WDR64: variants seen among roughly 807,000 people sequenced by gnomAD.
WDR64 encodes WD repeat domain 64.
WDR64 carries 112 observed loss-of-function variants against 139.3 expected under a neutral mutation model. That is an observed-to-expected ratio of 0.80 (90% CI 0.69 to 0.94). The LOEUF is 0.94. WDR64 is among the 40% of genes least tolerant of loss of function. The pLI is 0.00. For synonymous variants in WDR64, 444 were observed against 437.7 expected, an observed-to-expected ratio of 1.01 and a Z score of -0.18; for missense variants, 1,206 against 1,293.1, an observed-to-expected ratio of 0.93 and a Z score of 1.03.
intron 22 of WDR64, among the ~76,000 whole-genome samples, chr1:241,783,016 C>T (rs1658905377): frequency 6.6e-6 from 1 of 152,174 alleles, no homozygotes; most frequent in African/African-American, 2.4e-5. Flanking sequence ...TTCTCAGTTA[C>T]ATGATAAATT....
At chr1:241,662,844 C>A (rs981907492) in intron 2 of WDR64, among the ~76,000 whole-genome samples, 10 of 152,136 alleles carry the variant, frequency 6.6e-5, no homozygotes, top group Middle Eastern at 3.2e-3. Context: ...CACCACTAAT[C>A]TTCGACACTT....
chr1:241,655,343 C>G (rs994529413), intron 1 of WDR64, among the ~76,000 whole-genome samples: 1 of 152,118 alleles, frequency 6.6e-6, no homozygotes, highest in Non-Finnish European at 1.5e-5. Context: ...GAGCCAAGAT[C>G]GCACCACTGC....
At chr1:241,706,960 T>C (rs1454862608) in intron 8 of WDR64, among the ~76,000 whole-genome samples, 1 of 152,184 alleles carries the variant, frequency 6.6e-6, no homozygotes, top group Non-Finnish European at 1.5e-5. Context: ...ATTTTTTTGA[T>C]CTTTGCTTGT....
intron 8 of WDR64, among the ~76,000 whole-genome samples, chr1:241,691,641 C>T (rs1405325936): frequency 1.3e-5 from 2 of 152,298 alleles, no homozygotes; most frequent in East Asian, 3.9e-4. Flanking sequence ...TCAGGTATAG[C>T]ATGTTTGCAC....
rs1268542396 is a variant in WDR64 at position 241,771,674 on chromosome 1, G to C, written c.2267G>C (p.Ser756Thr). The C allele has an allele frequency of 2.7e-6, 4 of 1,502,996 alleles. No individual in the cohort carries two copies. The highest frequency in any genetic ancestry group is 3.6e-6 in the Non-Finnish European group (4 of 1,123,550). 93.1% of individuals were successfully genotyped at this position (1,502,996 alleles called of 1,614,324 possible). A position where few individuals can be genotyped will look rare whatever the true frequency, so the allele number is the denominator to read the frequency against. ...CCCATAATTCAGGGAAGCAAGCAAA[G>C]CATACATGACAGTGAGGTTAAAGGT... ...GPQSSKGSKQSIHDSEVKGEQ... is the reference protein window; with the variant it reads ...GPQSSKGSKQTIHDSEVKGEQ... The change falls in exon 19 of 28, where the codon AGC (serine) becomes ACC (threonine). Residue 756 changes from serine (S) to threonine (T), a missense_variant. Ser to Thr is a moderately conservative substitution (Grantham distance 58). Coordinates refer to ENST00000437684, the MANE Select transcript of WDR64 (RefSeq NM_001367482.1).
intron 2 of WDR64, among the ~76,000 whole-genome samples, chr1:241,663,460 T>A (rs1268015306): frequency 2.0e-5 from 3 of 152,170 alleles, no homozygotes; most frequent in Admixed American, 1.3e-4. Context: ...ACTAGAGGTG[T>A]ACACACCAGT....
intron 20 of WDR64, among the ~76,000 whole-genome samples, chr1:241,773,167 A>G (rs1294979582): frequency 6.6e-6 from 1 of 152,128 alleles, no homozygotes; most frequent in Non-Finnish European, 1.5e-5. Flanking sequence ...TATTTCAAAT[A>G]TGTCTCTCTT....
intron 24 of WDR64, 93 bp downstream of exon 24, chr1:241,788,127 G>A (rs1659109010): frequency 8.5e-7 from 1 of 1,176,262 alleles, no homozygotes; most frequent in Non-Finnish European, 1.2e-6. Context: ...TTCAAGGCAA[G>A]AGGTCCAGAA....
intron 3 of WDR64, among the ~76,000 whole-genome samples, chr1:241,673,791 A>C (rs1434170817): frequency 6.6e-6 from 1 of 152,172 alleles, no homozygotes; most frequent in South Asian, 2.1e-4. Context: ...CATTCAGTGC[A>C]TGGCCATAGA....
At chr1:241,770,514 G>A in intron 17 of WDR64, 107 bp from the exon 18 acceptor site, 1 of 960,358 alleles carries the variant, frequency 1.0e-6, no homozygotes, top group Non-Finnish European at 1.6e-6. Flanking sequence ...AGTATCCACA[G>A]ATGATGAAAG....
rs1385608752 is a variant in WDR64, at chr1:241,725,778, G to A, written c.1194+2342G>A. ...TAGTCCGAATTGAGGTCCGCTGTGAGTGTAAAATACACAAGACTCCAAAGA... is the reference window on the plus strand; with the variant it reads ...TAGTCCGAATTGAGGTCCGCTGTGAATGTAAAATACACAAGACTCCAAAGA... On this transcript the variant is annotated intron_variant, in intron 10 of 27. Transcript: ENST00000437684. Among the ~76,000 whole-genome samples, 4 of 152,144 alleles carry A rather than the reference G, an allele frequency of 2.6e-5. No individual in the cohort carries two copies. The East Asian group carries it at 7.8e-4, about 29-fold the overall frequency.
intron 15 of WDR64, among the ~76,000 whole-genome samples, chr1:241,763,763 T>G (rs957809365): frequency 2.0e-5 from 3 of 152,158 alleles, no homozygotes; most frequent in Admixed American, 1.3e-4. Flanking sequence ...GGAAATCCTC[T>G]CCCTAAAACT....
chr1:241,772,226 T>G (rs891383863), intron 19 of WDR64, among the ~76,000 whole-genome samples: 6 of 148,712 alleles, frequency 4.0e-5, no homozygotes, highest in African/African-American at 1.5e-4. Context: ...GTATAGAAGC[T>G]TTTGCAATAT....
intron 8 of WDR64, among the ~76,000 whole-genome samples, chr1:241,707,957 A>G (rs1360664632): frequency 6.6e-6 from 1 of 152,184 alleles, no homozygotes; most frequent in Non-Finnish European, 1.5e-5. Context: ...TTCTAAGTCA[A>G]CTTTACCAGT....
intron 8 of WDR64, among the ~76,000 whole-genome samples, chr1:241,689,619 A>C (rs1667137298): frequency 6.6e-6 from 1 of 152,212 alleles, no homozygotes; most frequent in Non-Finnish European, 1.5e-5. Context: ...AAGAGACAGA[A>C]CAAGCATCAG....
At chr1:241,704,095 T>A (rs1667843525) in intron 8 of WDR64, among the ~76,000 whole-genome samples, 1 of 152,166 alleles carries the variant, frequency 6.6e-6, no homozygotes, top group Admixed American at 6.5e-5. Flanking sequence ...TTAATGAACA[T>A]CATGGGCCCA....
intron 14 of WDR64, 64 bp downstream of exon 14, chr1:241,749,786 T>A: frequency 6.4e-7 from 1 of 1,553,702 alleles, no homozygotes; most frequent in Non-Finnish European, 8.8e-7. Context: ...AATGAGTCAG[T>A]GGATAATCCC....
At chr1:241,765,308 G>A (rs1219376974) in intron 15 of WDR64, among the ~76,000 whole-genome samples, 1 of 152,116 alleles carries the variant, frequency 6.6e-6, no homozygotes, top group East Asian at 1.9e-4. Context: ...AAGCTTGTAG[G>A]AGAGGACTGG....
intron 11 of WDR64, among the ~76,000 whole-genome samples, chr1:241,739,691 G>C (rs1669459642): frequency 6.6e-6 from 1 of 152,086 alleles, no homozygotes; most frequent in Non-Finnish European, 1.5e-5. Context: ...AGGCAAAGAA[G>C]AAAAAGAAAA....
Sources: gnomAD v4.1 joint callset for allele counts (sites outside exome capture counted in the v4.1 genomes callset) on GRCh38, gnomAD v4.1.1 for gene constraint, MANE v1.5 for transcripts, NCBI Gene and HGNC (gene_info 2026-07-23, HGNC 2026-07-21) for gene names.